Variants in IL17REL observed in about 807,000 individuals in gnomAD.
IL17REL encodes interleukin 17 receptor E like, also known as interleukin-17 receptor E-like protein.
IL17REL carries 36 observed loss-of-function variants against 49.0 expected under a neutral mutation model. The ratio of observed to expected loss-of-function variants is 0.73; its 90% CI spans 0.56 to 0.97. The LOEUF (loss-of-function observed/expected upper bound fraction) is 0.97, where lower values mean the gene tolerates loss of function less well. Among genes scored for constraint, IL17REL ranks in the 50% least tolerant of loss-of-function variants. The pLI is 0.00. For missense variants in IL17REL, 470 were observed against 453.9 expected, an observed-to-expected ratio of 1.04 and a Z score of -0.32; for synonymous variants, 206 against 192.4, an observed-to-expected ratio of 1.07 and a Z score of -0.58.
exon 2 of IL17REL, chr22:50,001,208 G>T: frequency 6.7e-7 from 1 of 1,496,272 alleles, no homozygotes; most frequent in Non-Finnish European, 9.2e-7. Context: ...GGGCGTGGCC[G>T]GCAGAAGCTG....
intron 1 of IL17REL, among the ~76,000 whole-genome samples, chr22:50,003,347 C>T (rs925506897): frequency 2.0e-5 from 3 of 151,784 alleles, no homozygotes; most frequent in Non-Finnish European, 2.9e-5. Flanking sequence ...CATGGTAAAA[C>T]CTGTCTCTAC....
chr22:50,011,969 A>C (rs568542946), upstream of IL17REL, among the ~76,000 whole-genome samples: 100 of 152,172 alleles, frequency 6.6e-4, no homozygotes, highest in Middle Eastern at 3.4e-3. Flanking sequence ...TGCCCTTTCC[A>C]TGCCTGTGTC....
Position 49,998,459 on chromosome 22 carries a change from T to TGTGCATGGGTGCATGTGC in IL17REL, c.602-168_602-151dup, listed in dbSNP as rs1261244431. ...GCCCTGGCTCAAGGCTGTGCACGTGTGTGCATGGGTGCATGTGCATGTGTG... is the reference window on the plus strand; with the variant it reads ...GCCCTGGCTCAAGGCTGTGCACGTGTGTGCATGGGTGCATGTGCGTGCATGGGTGCATGTGCATGTGTG... On this transcript the variant is annotated intron_variant, in intron 7 of 12. Coordinates refer to ENST00000341280, the Ensembl canonical transcript of IL17REL. 9.6e-5 allele frequency: 69 copies of TGTGCATGGGTGCATGTGC among 721,516 alleles called. No homozygotes were observed. In the East Asian group the frequency reaches 1.9e-3, roughly 20 times the overall value. 44.7% of individuals were successfully genotyped at this position (721,516 alleles called of 1,614,324 possible). A position where few individuals can be genotyped will look rare whatever the true frequency, so the allele number is the denominator to read the frequency against.
chr22:49,996,886 A>G (rs1462471970), intron 12 of IL17REL, 26 bp from the exon 15 acceptor site: 2 of 626,046 alleles, frequency 3.2e-6, no homozygotes, highest in Non-Finnish European at 5.6e-6. Flanking sequence ...AGCTCCGTCA[A>G]CATGGCCTCC....
At chr22:49,994,606 C>T (rs542994261) in exon 13 of IL17REL, 1 of 152,510 alleles carries the variant, frequency 6.6e-6, no homozygotes, top group Non-Finnish European at 1.5e-5. Flanking sequence ...ACATAGCAGC[C>T]TCTGTTGCAG....
downstream of IL17REL, among the ~76,000 whole-genome samples, chr22:49,993,401 T>G (rs1383160848): frequency 6.6e-6 from 1 of 151,680 alleles, no homozygotes; most frequent in Non-Finnish European, 1.5e-5. This position sits in a 1 kb window ranked among gnomAD's most constrained non-coding sequence, Gnocchi z 6.0. Flanking sequence ...TCCTGGCAGG[T>G]GTGGGGGTGG....
chr22:50,001,431 GT>G (rs1188358508), intron 1 of IL17REL, among the ~76,000 whole-genome samples, 200 bp from the exon 3 acceptor site: 3 of 152,188 alleles, frequency 2.0e-5, no homozygotes, highest in Non-Finnish European at 4.4e-5. Flanking sequence ...CAAAATGTCT[GT>G]GGGACCCCAG....
At chr22:49,993,852 C>G (rs1033747039), downstream of IL17REL, among the ~76,000 whole-genome samples, 1 of 152,118 alleles carries the variant, frequency 6.6e-6, no homozygotes, top group African/African-American at 2.4e-5. The surrounding 1 kb of genome is among the most constrained non-coding windows in gnomAD (Gnocchi z 6.0). Context: ...CAGGGAGCAC[C>G]CCTGGCTGGT....
downstream of IL17REL, among the ~76,000 whole-genome samples, chr22:49,993,883 C>T (rs1296884289): frequency 6.6e-6 from 1 of 152,116 alleles, no homozygotes; most frequent in South Asian, 2.1e-4. The surrounding 1 kb of genome is among the most constrained non-coding windows in gnomAD (Gnocchi z 6.0). Context: ...GGAGCAGGAA[C>T]CTGGGGCGGG....
At chr22:50,006,108 C>A (rs1252642150) in intron 1 of IL17REL, among the ~76,000 whole-genome samples, 1 of 151,968 alleles carries the variant, frequency 6.6e-6, no homozygotes, top group Non-Finnish European at 1.5e-5. Context: ...TGTGGGGAGG[C>A]CCCAGCACAT....
intron 1 of IL17REL, among the ~76,000 whole-genome samples, chr22:50,004,970 T>TAAA (rs11455056): frequency 1.5e-4 from 8 of 51,950 alleles, no homozygotes; most frequent in Non-Finnish European, 2.6e-4. Context: ...AACCAGAAAG[T>TAAA]AAAAAAAAAA....
chr22:50,000,634 T>G, intron 3 of IL17REL, 42 bp from the exon 5 acceptor site: 1 of 1,575,918 alleles, frequency 6.3e-7, no homozygotes, highest in Non-Finnish European at 8.7e-7. Context: ...TCAGAGGCAC[T>G]GCCCACCCCA....
At chr22:49,998,444 A>AG in intron 7 of IL17REL, 135 bp from the exon 10 acceptor site, 1 of 812,308 alleles carries the variant, frequency 1.2e-6, no homozygotes, top group Non-Finnish European at 1.9e-6. Flanking sequence ...GCCCTGGCTC[A>AG]AGGCTGTGCA....
At chr22:50,002,413 A>G (rs2061084506) in intron 1 of IL17REL, among the ~76,000 whole-genome samples, 1 of 152,110 alleles carries the variant, frequency 6.6e-6, no homozygotes, top group Non-Finnish European at 1.5e-5. Context: ...CCTTCCACCC[A>G]GTAACTCTGT....
chr22:50,003,545 G>GAAAAAA (rs2061090622), intron 1 of IL17REL, among the ~76,000 whole-genome samples: 1 of 107,384 alleles, frequency 9.3e-6, no homozygotes, highest in Non-Finnish European at 2.0e-5. Flanking sequence ...AAAAAAAAAG[G>GAAAAAA]CTGGGCATGG....
At chr22:49,998,342 T>TGGGCCCTACCCTGGCTGCC in intron 7 of IL17REL, 33 bp from the exon 10 acceptor site, 3 of 1,570,690 alleles carry the variant, frequency 1.9e-6, no homozygotes, top group Non-Finnish European at 2.6e-6. Flanking sequence ...ACAGGTCAGT[T>TGGGCCCTACCCTGGCTGCC]GGGCCCTACC....
downstream of IL17REL, among the ~76,000 whole-genome samples, chr22:49,992,334 G>A (rs2061010573): frequency 6.6e-6 from 1 of 152,218 alleles, no homozygotes; most frequent in Non-Finnish European, 1.5e-5. Context: ...GGCAGTCAGG[G>A]ACCCTGTTAG....
chr22:50,007,333 A>T (rs1041278934), intron 1 of IL17REL, among the ~76,000 whole-genome samples: 6 of 152,126 alleles, frequency 3.9e-5, no homozygotes, highest in Non-Finnish European at 7.3e-5. Flanking sequence ...CTCCATAGGA[A>T]ATCTATTAGA....
At chr22:50,000,960 G>T in intron 2 of IL17REL, 97 bp from the exon 4 acceptor site, 1 of 1,279,556 alleles carries the variant, frequency 7.8e-7, no homozygotes, top group Non-Finnish European at 1.1e-6. Context: ...TTCTCTCTGT[G>T]AAGTGCGGTT....
Sources: gnomAD v4.1 joint callset for allele counts (sites outside exome capture counted in the v4.1 genomes callset) on GRCh38, gnomAD v4.1.1 for gene constraint, Gnocchi (gnomAD v3.1) non-coding constraint, MANE v1.5 for transcripts, NCBI Gene and HGNC (gene_info 2026-07-23, HGNC 2026-07-21) for gene names.